The following TMCO4 variants were observed in gnomAD, a reference collection of about 807,000 sequenced individuals.
TMCO4 encodes the protein transmembrane and coiled-coil domains 4, also known as transmembrane and coiled-coil domain-containing protein 4.
TMCO4 carries 58 observed loss-of-function variants against 64.7 expected under a neutral mutation model. The observed-to-expected ratio is 0.90, with a 90% CI of 0.73 to 1.12. The LOEUF (loss-of-function observed/expected upper bound fraction) is 1.12, where lower values mean the gene tolerates loss of function less well. Ranked by LOEUF, TMCO4 falls within the 50% of genes most tolerant of loss-of-function variation. The pLI is 0.00. For missense variants in TMCO4, 780 were observed against 825.9 expected (o/e 0.94, Z 0.68); for synonymous variants, 325 against 346.1 (o/e 0.94, Z 0.68).
At chr1:19,798,637 C>T (rs189084059) in intron 1 of TMCO4, among the ~76,000 whole-genome samples, 46 of 152,264 alleles carry the variant, frequency 3.0e-4, no homozygotes, top group African/African-American at 1.1e-3. Flanking sequence ...ATGCTGCACA[C>T]GAGGGCTTGA....
intron 14 of TMCO4, among the ~76,000 whole-genome samples, chr1:19,694,884 G>A (rs1459515507): frequency 6.6e-6 from 1 of 152,236 alleles, no homozygotes; most frequent in African/African-American, 2.4e-5. Flanking sequence ...ATGAATGAAT[G>A]AGGAATCTGG....
At chr1:19,726,821 T>C (rs1361330575) in intron 13 of TMCO4, among the ~76,000 whole-genome samples, 1 of 152,174 alleles carries the variant, frequency 6.6e-6, no homozygotes, top group African/African-American at 2.4e-5. Context: ...GGGATCTCAG[T>C]AAATGCCAGT....
At chr1:19,715,355 C>T (rs1347917510) in intron 13 of TMCO4, among the ~76,000 whole-genome samples, 1 of 152,168 alleles carries the variant, frequency 6.6e-6, no homozygotes, top group East Asian at 1.9e-4. Context: ...GTGATCCTTC[C>T]ACCTCAGCCT....
intron 14 of TMCO4, 113 bp from the exon 15 acceptor site, chr1:19,694,664 G>GA: frequency 1.1e-6 from 1 of 914,278 alleles, no homozygotes; most frequent in Non-Finnish European, 1.7e-6. Flanking sequence ...GCTTCTGGGG[G>GA]AAAACAGGGC....
intron 13 of TMCO4, among the ~76,000 whole-genome samples, chr1:19,710,533 T>C (rs528563068): frequency 6.6e-5 from 10 of 152,112 alleles, no homozygotes; most frequent in Admixed American, 3.3e-4. Context: ...ACAACAATCC[T>C]AGGAGGTAAG....
intron 3 of TMCO4, among the ~76,000 whole-genome samples, chr1:19,782,827 G>A (rs151042479): frequency 6.6e-6 from 1 of 152,300 alleles, no homozygotes; most frequent in African/African-American, 2.4e-5. Flanking sequence ...ACAGACCTGG[G>A]CGTGAAAACA....
intron 13 of TMCO4, among the ~76,000 whole-genome samples, chr1:19,719,386 C>A (rs1310755756): frequency 6.6e-6 from 1 of 152,182 alleles, no homozygotes; most frequent in East Asian, 1.9e-4. Flanking sequence ...TCAACTTTTT[C>A]TGTTTTTGCT....
At chr1:19,771,588 G>T in intron 4 of TMCO4, 106 bp from the exon 5 acceptor site, 1 of 1,083,972 alleles carries the variant, frequency 9.2e-7, no homozygotes, top group Non-Finnish European at 1.3e-6. Flanking sequence ...GCACGTGCCT[G>T]ACTTACTGAC....
intron 10 of TMCO4, among the ~76,000 whole-genome samples, chr1:19,741,990 C>T (rs187419568): frequency 6.6e-4 from 101 of 152,130 alleles, no homozygotes; most frequent in Non-Finnish European, 1.2e-3. Flanking sequence ...CCACCCGCCT[C>T]GGCCTCCCAA....
At chr1:19,782,173 T>C (rs1211335993) in intron 3 of TMCO4, among the ~76,000 whole-genome samples, 2 of 152,106 alleles carry the variant, frequency 1.3e-5, no homozygotes, top group African/African-American at 4.8e-5. Context: ...TCTATCACAG[T>C]AGAATGGATA....
At chr1:19,737,290 C>T (rs2095459022) in intron 13 of TMCO4, 82 bp downstream of exon 13, 1 of 1,413,266 alleles carries the variant, frequency 7.1e-7, no homozygotes, top group Non-Finnish European at 9.9e-7. Context: ...TTTTGCAAGG[C>T]TCATGGCCCC....
intron 2 of TMCO4, among the ~76,000 whole-genome samples, chr1:19,791,513 G>A (rs1333501338): frequency 6.6e-6 from 1 of 152,148 alleles, no homozygotes; most frequent in Non-Finnish European, 1.5e-5. Flanking sequence ...GGGCAGCTGT[G>A]GTGTGGGAAT....
chr1:19,702,038 C>A (rs1373271382), intron 13 of TMCO4, among the ~76,000 whole-genome samples: 2 of 152,068 alleles, frequency 1.3e-5, no homozygotes, highest in Non-Finnish European at 2.9e-5. Flanking sequence ...GGCGCAATCT[C>A]GGCTCACTGC....
intron 7 of TMCO4, among the ~76,000 whole-genome samples, chr1:19,748,734 A>G (rs2041898056): frequency 6.6e-6 from 1 of 152,148 alleles, no homozygotes; most frequent in East Asian, 1.9e-4. Context: ...CTGAGGCAGG[A>G]GAATTACTTG....
chr1:19,742,408 A>T (rs992714907), intron 10 of TMCO4, among the ~76,000 whole-genome samples: 1 of 152,212 alleles, frequency 6.6e-6, no homozygotes, highest in Admixed American at 6.5e-5. Flanking sequence ...GGCAGCCTGC[A>T]GGTTCTGAGC....
intron 7 of TMCO4, 61 bp from the exon 8 acceptor site, chr1:19,747,321 C>T (rs2041840457): frequency 4.9e-6 from 7 of 1,428,300 alleles, no homozygotes; most frequent in Non-Finnish European, 6.9e-6. Flanking sequence ...GAGACATCCC[C>T]ACCACACCAA....
chr1:19,770,400 C>G lies in TMCO4; in HGVS notation c.382+142G>C, dbSNP rs185815845. On this transcript the variant is annotated intron_variant, in intron 6 of 15. Coordinates refer to ENST00000294543, the MANE Select transcript of TMCO4 (RefSeq NM_181719.7). ...ATGAATGAAGGGCTCACCAGCTCACCAATGACATCAGGTTCCTTTCCTTCC... is the reference window on the plus strand; with the variant it reads ...ATGAATGAAGGGCTCACCAGCTCACGAATGACATCAGGTTCCTTTCCTTCC... The G allele has an allele frequency of 2.3e-3, 1,886 of 833,000 alleles. 6 individuals carry two copies. Among genetic ancestry groups the G allele is most frequent in the Middle Eastern group, 3.1e-3 (11 of 3,576 alleles). 51.6% of individuals were successfully genotyped at this position (833,000 alleles called of 1,614,324 possible). A position where few individuals can be genotyped will look rare whatever the true frequency, so the allele number is the denominator to read the frequency against.
At position 19,732,688 on chromosome 1, in the gene TMCO4, C is replaced by T. The variant is rs546533080; in HGVS notation, c.1264+4684G>A. ...GGAGGATTGCTTGAGACCAGGAGTT[C>T]GAGACCAGCCTCGGCAACACAGGGA... On this transcript the variant is annotated intron_variant, in intron 13 of 15. Transcript: ENST00000294543. The surrounding 1 kb of genome is among the most constrained non-coding windows in gnomAD (Gnocchi z 4.8). Among the ~76,000 whole-genome samples, 3 of 150,712 alleles carry T rather than the reference C, an allele frequency of 2.0e-5. No individual in the cohort carries two copies. Among genetic ancestry groups the T allele is most frequent in the South Asian group, 2.1e-4 (1 of 4,714 alleles).
chr1:19,788,614 TCTC>T (rs2043860541), intron 2 of TMCO4, among the ~76,000 whole-genome samples: 1 of 152,196 alleles, frequency 6.6e-6, no homozygotes, highest in African/African-American at 2.4e-5. Flanking sequence ...GTTTTGTGCT[TCTC>T]CTTCCAACCC....
Sources: gnomAD v4.1 joint callset for allele counts (sites outside exome capture counted in the v4.1 genomes callset) on GRCh38, gnomAD v4.1.1 for gene constraint, Gnocchi (gnomAD v3.1) non-coding constraint, MANE v1.5 for transcripts, NCBI Gene and HGNC (gene_info 2026-07-23, HGNC 2026-07-21) for gene names.